TMPRSS4: variants seen among roughly 807,000 people sequenced by gnomAD.
TMPRSS4 encodes the protein transmembrane serine protease 4.
Under a neutral mutation model 56.4 loss-of-function variants are expected in TMPRSS4, and 45 were observed. The observed-to-expected ratio is 0.80, with a 90% confidence interval of 0.63 to 1.02. The LOEUF is 1.02. TMPRSS4 is among the 50% of genes least tolerant of loss of function. TMPRSS4 has a pLI of 0.00. For synonymous variants in TMPRSS4, 205 were observed against 211.0 expected (o/e 0.97, Z 0.25); for missense variants, 546 against 556.7 (o/e 0.98, Z 0.19).
At chr11:118,080,594 G>A (rs1945050689) in intron 1 of TMPRSS4, among the ~76,000 whole-genome samples, 1 of 152,142 alleles carries the variant, frequency 6.6e-6, no homozygotes, top group South Asian at 2.1e-4. Flanking sequence ...GTGCAGCTGA[G>A]AACCCAGCAG....
rs547332553 is a variant in TMPRSS4 at position 118,108,758 on chromosome 11, T to G, written c.543-98T>G. 1,456 of 1,210,464 alleles carry G rather than the reference T, an allele frequency of 1.2e-3. 10 individuals carry two copies. Among genetic ancestry groups the G allele is most frequent in the Non-Finnish European group, 6.5e-4 (537 of 828,240 alleles). The allele number at this position is 1,210,464 out of a possible 1,614,324, so 75.0% of individuals were successfully genotyped here. On this transcript the variant is annotated intron_variant, in intron 6 of 12. Transcript: ENST00000437212. ...TGCAGCTTCCACATTCCCGAGGTAT[T>G]GGGAGGGGACTTGAATTAACAGCTT... is the stretch of plus-strand genomic sequence containing the variant.
rs1258686942 is a variant in TMPRSS4, at chr11:118,096,908, AAAGG to A, written c.43+2054_43+2057del. Among the ~76,000 whole-genome samples, 187 of 45,518 alleles carry A rather than the reference AAAGG, an allele frequency of 4.1e-3. 18 individuals carry two copies. Among genetic ancestry groups the A allele is most frequent in the African/African-American group, 7.6e-3 (75 of 9,866 alleles). The allele number at this position is 45,518 out of a possible 152,430, so 29.9% of individuals were successfully genotyped here. ...GAAAGAAAGAAAGAAAGAAAGAAAG[AAAGG>A]GAGAGAGAAAGGAAAGAAAGAAAGA... On this transcript the variant is annotated intron_variant, in intron 2 of 12. Coordinates refer to ENST00000437212, the MANE Select transcript of TMPRSS4 (RefSeq NM_019894.4).
Position 118,107,834 on chromosome 11 carries a change from C to T in TMPRSS4, c.501C>T (p.Ile167=). The T allele has an allele frequency of 1.5e-5, 24 of 1,614,160 alleles. No homozygotes were observed. The highest frequency in any genetic ancestry group is 1.9e-5 in the Non-Finnish European group (23 of 1,180,026). The change falls in exon 6 of 13, where the codon ATC becomes ATT. Residue 167 remains isoleucine (I), a synonymous_variant. Coordinates refer to ENST00000437212, the MANE Select transcript of TMPRSS4 (RefSeq NM_019894.4). Reference sequence around the variant, plus strand: ...ACCAGGATCTGGATGTTGTTGAAATCACAGAAAACAGCCAGGAGCTTCGCA... The same window carrying T: ...ACCAGGATCTGGATGTTGTTGAAATTACAGAAAACAGCCAGGAGCTTCGCA... ...GPDQDLDVVE[I]TENSQELRMR...
chr11:118,102,694 G>C (rs1298721529), intron 3 of TMPRSS4, among the ~76,000 whole-genome samples: 8 of 152,222 alleles, frequency 5.3e-5, no homozygotes, highest in African/African-American at 1.9e-4. Context: ...GGATGACAGA[G>C]TGAGACTCGG....
At chr11:118,112,902 G>GA (rs1415749967) in intron 8 of TMPRSS4, among the ~76,000 whole-genome samples, 3 of 143,548 alleles carry the variant, frequency 2.1e-5, no homozygotes, top group Admixed American at 1.5e-4. Context: ...ACACTAAGCT[G>GA]TGCCTGGCAT....
chr11:118,100,325 C>T (rs1275099200), intron 3 of TMPRSS4, among the ~76,000 whole-genome samples: 3 of 152,262 alleles, frequency 2.0e-5, no homozygotes, highest in African/African-American at 7.2e-5. Context: ...ACTGCCTGTG[C>T]AGCCAGGGAA....
chr11:118,079,647 C>A (rs538362796), intron 1 of TMPRSS4, among the ~76,000 whole-genome samples: 2 of 152,230 alleles, frequency 1.3e-5, no homozygotes. Flanking sequence ...AACCCCCTGA[C>A]GCTTCCGGCT....
At chr11:118,091,000 A>G (rs1415272251) in intron 1 of TMPRSS4, among the ~76,000 whole-genome samples, 1 of 152,096 alleles carries the variant, frequency 6.6e-6, no homozygotes, top group East Asian at 1.9e-4. Context: ...AACAAAAGAA[A>G]CTTGCCCTAC....
chr11:118,103,158 C>T lies in TMPRSS4; in HGVS notation c.215C>T (p.Pro72Leu), dbSNP rs771431771. 5 of 1,614,200 alleles carry T rather than the reference C, an allele frequency of 3.1e-6. No individual in the cohort carries two copies. Among genetic ancestry groups the T allele is most frequent in the South Asian group, 2.2e-5 (2 of 91,086 alleles). The change falls in exon 4 of 13, where the codon CCG becomes CTG. Residue 72 changes from proline (P) to leucine (L), a missense_variant. Transcript: ENST00000437212. ...FLCGQPLHFI[P>L]RKQLCDGELD... Reference sequence around the variant, plus strand: ...TGCGGGCAGCCTCTCCACTTCATCCCGAGGAAGCAGCTGTGTGACGGAGAG... The same window carrying T: ...TGCGGGCAGCCTCTCCACTTCATCCTGAGGAAGCAGCTGTGTGACGGAGAG...
At chr11:118,078,140 C>G (rs1258232091) in intron 1 of TMPRSS4, among the ~76,000 whole-genome samples, 2 of 151,666 alleles carry the variant, frequency 1.3e-5, no homozygotes, top group Non-Finnish European at 2.9e-5. Context: ...CCCTCACCCT[C>G]TCTCCTCCTC....
At chr11:118,085,966 A>G (rs1238508040) in intron 1 of TMPRSS4, among the ~76,000 whole-genome samples, 1 of 152,232 alleles carries the variant, frequency 6.6e-6, no homozygotes, top group Non-Finnish European at 1.5e-5. Context: ...TAGGACAAAG[A>G]GAAGGATCGC....
rs1947790624 is a variant in TMPRSS4 at position 118,121,447 on chromosome 11, C to T, written c.*3534C>T. On this transcript the variant is annotated 3_prime_UTR_variant, in exon 13 of 13. Transcript: ENST00000437212. The stretch of plus-strand genomic sequence containing the variant: ...GATCTTGGCTCACTGCTATCTCCAC[C>T]TCCCAGGTTCAAGTGATTCTTCTGC... 6.6e-6 allele frequency: 1 copy of T among 152,176 alleles called. No individual in the cohort carries two copies. The highest frequency in any genetic ancestry group is 2.4e-5 in the African/African-American group (1 of 41,430). The allele number at this position is 152,176 out of a possible 1,614,324, so 9.4% of individuals were successfully genotyped here.
Position 118,111,857 on chromosome 11 carries a change from A to G in TMPRSS4, c.700A>G (p.Ile234Val), listed in dbSNP as rs1410303872. The G allele has an allele frequency of 1.2e-6, 2 of 1,609,692 alleles. No individual in the cohort carries two copies. The highest frequency in any genetic ancestry group is 1.7e-6 in the Non-Finnish European group (2 of 1,178,298). Reference protein sequence around the residue: ...YDKQHVCGGSILDPHWVLTAA... With the variant: ...YDKQHVCGGSVLDPHWVLTAA... ...CAAACAGCACGTCTGTGGAGGGAGC[A>G]TCCTGGACCCCCACTGGGTCCTCAC... The change falls in exon 8 of 13, where the codon ATC (isoleucine) becomes GTC (valine). Residue 234 changes from isoleucine to valine, a missense_variant. By Grantham distance (29) the Ile-to-Val change is conservative. Transcript: ENST00000437212.
At chr11:118,094,501 T>C (rs1010119773) in intron 1 of TMPRSS4, among the ~76,000 whole-genome samples, 3 of 152,194 alleles carry the variant, frequency 2.0e-5, no homozygotes, top group Non-Finnish European at 2.9e-5. Context: ...AGACAAATTA[T>C]TGACAAAAAC....
intron 7 of TMPRSS4, among the ~76,000 whole-genome samples, chr11:118,109,131 T>G (rs1947150936): frequency 6.6e-6 from 1 of 152,112 alleles, no homozygotes; most frequent in African/African-American, 2.4e-5. Flanking sequence ...TGTGCATGGC[T>G]CCATGACCTA....
intron 9 of TMPRSS4, among the ~76,000 whole-genome samples, chr11:118,114,606 T>C (rs1356991848): frequency 2.0e-5 from 3 of 152,202 alleles, no homozygotes; most frequent in Admixed American, 2.0e-4. Context: ...GCTTGGTGTC[T>C]GAGAGTCAGA....
At chr11:118,117,868 C>T in intron 12 of TMPRSS4, 34 bp from the exon 13 acceptor site, 3 of 1,614,036 alleles carry the variant, frequency 1.9e-6, no homozygotes, top group Middle Eastern at 1.7e-4. Flanking sequence ...TTCAGATAAT[C>T]TGACTTTCTC....
chr11:118,112,339 G>A (rs10892219), intron 8 of TMPRSS4, among the ~76,000 whole-genome samples: 11,334 of 147,388 alleles, frequency 0.077, 989 homozygotes, highest in East Asian at 0.41. Context: ...AGAGAAGCCT[G>A]GCCTTACCTC....
At chr11:118,102,988 G>A in intron 3 of TMPRSS4, 113 bp from the exon 4 acceptor site, 1 of 1,414,526 alleles carries the variant, frequency 7.1e-7, no homozygotes, top group Non-Finnish European at 9.7e-7. Flanking sequence ...ACTGAGCCTG[G>A]AACTCACACA....
Sources: gnomAD v4.1 joint callset for allele counts (sites outside exome capture counted in the v4.1 genomes callset) on GRCh38, gnomAD v4.1.1 for gene constraint, MANE v1.5 for transcripts, NCBI Gene and HGNC (gene_info 2026-07-23, HGNC 2026-07-21) for gene names.